RBFOX1: variants seen among roughly 807,000 people sequenced by gnomAD.
RBFOX1 encodes the protein RNA binding protein fox-1 homolog 1.
In RBFOX1, 8 loss-of-function variants were observed where a neutral mutation model predicts 57.7. The observed-to-expected ratio is 0.14, with a 90% CI of 0.08 to 0.25. RBFOX1 has a LOEUF of 0.25. RBFOX1 is among the 10% of genes least tolerant of loss of function. The probability of loss-of-function intolerance (pLI) is 1.00; values close to 1 mark genes in which losing one functional copy is unlikely to be tolerated. For synonymous variants in RBFOX1, 326 were observed against 222.4 expected (o/e 1.47, Z -4.15); for missense variants, 611 against 548.5 (o/e 1.11, Z -1.14).
chr16:6,550,619 C>T (rs1474588672), intron 2 of RBFOX1, among the ~76,000 whole-genome samples: 1 of 152,240 alleles, frequency 6.6e-6, no homozygotes, highest in East Asian at 1.9e-4. Flanking sequence ...TGCCACTGTG[C>T]CCAGCCTTCA....
intron 4 of RBFOX1, among the ~76,000 whole-genome samples, chr16:5,961,571 G>C (rs575449025): frequency 2.0e-5 from 3 of 152,004 alleles, no homozygotes; most frequent in East Asian, 1.9e-4. Flanking sequence ...CCCAGGGTAA[G>C]TGCAGTGGTG....
chr16:5,385,679 C>G (rs79518453), intron 1 of RBFOX1, among the ~76,000 whole-genome samples: 3,060 of 152,258 alleles, frequency 0.02, 60 homozygotes, highest in Non-Finnish European at 0.032. Flanking sequence ...CTGTAAGTTT[C>G]AGCTTCTCCC....
chr16:6,904,642 G>C (rs1318066154), intron 3 of RBFOX1, among the ~76,000 whole-genome samples: 5 of 107,428 alleles, frequency 4.7e-5, no homozygotes, highest in Non-Finnish European at 9.8e-5. Context: ...GAAGAAGAAA[G>C]AAAAATTCAT....
chr16:7,655,770 C>A (rs1451445921), intron 12 of RBFOX1, among the ~76,000 whole-genome samples: 3 of 152,126 alleles, frequency 2.0e-5, no homozygotes, highest in Non-Finnish European at 4.4e-5. Context: ...TATCTACCAT[C>A]AGTATCTCAC....
chr16:7,482,795 A>C (rs928326999), intron 4 of RBFOX1, among the ~76,000 whole-genome samples: 2 of 151,902 alleles, frequency 1.3e-5, no homozygotes, highest in African/African-American at 4.8e-5. Context: ...CCTCTATGTA[A>C]ATGAGTCCTC....
chr16:6,582,819 A>T (rs1171434260), intron 2 of RBFOX1, among the ~76,000 whole-genome samples: 2 of 104,126 alleles, frequency 1.9e-5, no homozygotes, highest in Non-Finnish European at 1.9e-5. Context: ...TCCCCTCCTC[A>T]CCCCTTTTTG....
intron 3 of RBFOX1, among the ~76,000 whole-genome samples, chr16:6,682,590 C>A (rs1208027514): frequency 2.0e-5 from 3 of 151,944 alleles, no homozygotes; most frequent in East Asian, 1.9e-4. Flanking sequence ...ATTGTGGGTG[C>A]TGAGCAGCAG....
intron 2 of RBFOX1, among the ~76,000 whole-genome samples, chr16:5,571,448 C>G (rs572490791): frequency 2.2e-4 from 33 of 152,124 alleles, no homozygotes; most frequent in African/African-American, 8.0e-4. Flanking sequence ...CTCCTGACCT[C>G]AAGTGATCTG....
chr16:5,810,624 G>A (rs2055388412), intron 3 of RBFOX1, among the ~76,000 whole-genome samples: 1 of 152,126 alleles, frequency 6.6e-6, no homozygotes, highest in South Asian at 2.1e-4. Flanking sequence ...GACCCAGCCC[G>A]TGGAACTCCT....
At chr16:7,231,029 C>T (rs11077157) in intron 4 of RBFOX1, among the ~76,000 whole-genome samples, 40,439 of 151,990 alleles carry the variant, frequency 0.27, 7,004 homozygotes, top group East Asian at 0.68. Context: ...GCACCTCTAG[C>T]CCCCTGAGCA....
chr16:7,370,761 C>G (rs1196769066), intron 4 of RBFOX1, among the ~76,000 whole-genome samples: 1 of 152,198 alleles, frequency 6.6e-6, no homozygotes, highest in African/African-American at 2.4e-5. Context: ...AATGTGAGTG[C>G]TTTCTGAACA....
chr16:6,617,001 C>G (rs1334372280), intron 2 of RBFOX1, among the ~76,000 whole-genome samples: 1 of 152,150 alleles, frequency 6.6e-6, no homozygotes, highest in African/African-American at 2.4e-5. Flanking sequence ...TTTGAAGATA[C>G]ATACTATCTG....
chr16:6,270,517 G>C (rs2075083374), intron 1 of RBFOX1, among the ~76,000 whole-genome samples: 1 of 148,638 alleles, frequency 6.7e-6, no homozygotes, highest in Admixed American at 6.7e-5. Flanking sequence ...CAGTGATACA[G>C]TGTCAGTCCA....
At chr16:6,251,804 C>T (rs554907530) in intron 1 of RBFOX1, among the ~76,000 whole-genome samples, 84 of 152,194 alleles carry the variant, frequency 5.5e-4, no homozygotes, top group Non-Finnish European at 8.8e-4. Flanking sequence ...CGGGACTTCT[C>T]AAAGCCCTGC....
intron 4 of RBFOX1, among the ~76,000 whole-genome samples, chr16:7,360,247 A>AT (rs1416820973): frequency 6.6e-6 from 1 of 152,056 alleles, no homozygotes. Context: ...GAAATGCCCC[A>AT]TTTTTTCCCA....
chr16:7,268,776 G>A (rs1403897402), intron 4 of RBFOX1, among the ~76,000 whole-genome samples: 2 of 152,060 alleles, frequency 1.3e-5, no homozygotes, highest in South Asian at 2.1e-4. Flanking sequence ...GCTCACGCCT[G>A]TAATCACAGC....
chr16:6,009,816 C>CTGTGTGTGTGTGTGTGTG (rs148472437), intron 4 of RBFOX1, among the ~76,000 whole-genome samples: 21,114 of 148,366 alleles, frequency 0.14, 1,758 homozygotes, highest in South Asian at 0.23. Context: ...GTGTGTGTGT[C>CTGTGTGTGTGTGTGTGTG]TGTGTGTGTG....
intron 3 of RBFOX1, among the ~76,000 whole-genome samples, chr16:6,945,113 C>T (rs954885448): frequency 2.3e-4 from 35 of 152,172 alleles, no homozygotes; most frequent in South Asian, 4.1e-4. Context: ...CGTCCCTTTG[C>T]TAGGGTCACG....
At chr16:7,267,605 A>G (rs1487461036) in intron 4 of RBFOX1, among the ~76,000 whole-genome samples, 2 of 151,472 alleles carry the variant, frequency 1.3e-5, no homozygotes, top group Non-Finnish European at 2.9e-5. Context: ...CTGTAATCGT[A>G]GTACTTTGGG....
Sources: allele counts gnomAD v4.1 joint callset (sites outside exome capture counted in the v4.1 genomes callset), GRCh38; gene constraint gnomAD v4.1.1; transcripts MANE v1.5; gene names NCBI Gene and HGNC (gene_info 2026-07-23, HGNC 2026-07-21).